KCNN3: variants seen among roughly 807,000 people sequenced by gnomAD.
KCNN3 encodes potassium calcium-activated channel subfamily N member 3.
In KCNN3, 16 loss-of-function variants were observed where a neutral mutation model predicts 62.9. The observed-to-expected ratio is 0.25, with a 90% confidence interval of 0.17 to 0.39. The LOEUF (loss-of-function observed/expected upper bound fraction) is 0.39. Ranked by LOEUF, KCNN3 falls within the 10% of genes least tolerant of loss-of-function variation. The probability of loss-of-function intolerance (pLI) is 1.00; values close to 1 mark genes in which losing one functional copy is unlikely to be tolerated. For synonymous variants in KCNN3, 370 were observed against 389.2 expected, an observed-to-expected ratio of 0.95 and a Z score of 0.58; for missense variants, 599 against 949.4, an observed-to-expected ratio of 0.63 and a Z score of 4.85.
intron 1 of KCNN3, among the ~76,000 whole-genome samples, chr1:154,852,369 ATTT>A (rs34939586): frequency 4.8e-4 from 65 of 136,540 alleles, no homozygotes; most frequent in Middle Eastern, 3.8e-3. Flanking sequence ...CACCCAGCTA[ATTT>A]TTTTTTTTTT....
At chr1:154,826,466 T>C (rs1571314753) in intron 1 of KCNN3, among the ~76,000 whole-genome samples, 1 of 152,234 alleles carries the variant, frequency 6.6e-6, no homozygotes, top group South Asian at 2.1e-4. Context: ...TCCAAGGGCA[T>C]GTTACCTAAC....
chr1:154,748,071 C>T (rs1482189341), intron 3 of KCNN3, among the ~76,000 whole-genome samples: 1 of 152,204 alleles, frequency 6.6e-6, no homozygotes, highest in African/African-American at 2.4e-5. Context: ...GTTTGTCGGT[C>T]GGCAGGTGCT....
chr1:154,733,196 AG>A (rs1700635269), intron 3 of KCNN3, 52 bp from the exon 4 acceptor site: 1 of 1,600,312 alleles, frequency 6.2e-7, no homozygotes, highest in Non-Finnish European at 8.6e-7. Context: ...CCTGGGAGTA[AG>A]GGCTGTGGGC....
intron 1 of KCNN3, among the ~76,000 whole-genome samples, chr1:154,838,071 C>T (rs989989959): frequency 1.3e-5 from 2 of 152,174 alleles, no homozygotes; most frequent in African/African-American, 4.8e-5. Context: ...CTGCTGACCA[C>T]GGTGGGACAG....
chr1:154,746,981 C>A (rs1313954516), intron 3 of KCNN3, among the ~76,000 whole-genome samples: 1 of 152,144 alleles, frequency 6.6e-6, no homozygotes, highest in African/African-American at 2.4e-5. Context: ...TCAACCGATC[C>A]CCAACTCTGC....
At chr1:154,757,075 G>C (rs1235539990) in intron 3 of KCNN3, among the ~76,000 whole-genome samples, 2 of 152,204 alleles carry the variant, frequency 1.3e-5, no homozygotes, top group East Asian at 1.9e-4. Flanking sequence ...GGAAACGGCA[G>C]AGGAGGGAGA....
chr1:154,868,916 C>G, intron 1 of KCNN3, 116 bp downstream of exon 1: 2 of 1,039,048 alleles, frequency 1.9e-6, no homozygotes, highest in South Asian at 1.3e-5. Context: ...CTCTCTCTCT[C>G]TCTCTCTCTC....
At position 154,707,179 on chromosome 1, in the gene KCNN3, T is replaced by C. The variant is rs1699979840; in HGVS notation, c.*797A>G. On this transcript the variant is annotated 3_prime_UTR_variant, in exon 8 of 8. Transcript: ENST00000271915. ...GTGAAACTCAGAATGTGGCCAGAACTAGCTAACTACCTGAACTGAAAGCAC... is the reference window on the plus strand; with the variant it reads ...GTGAAACTCAGAATGTGGCCAGAACCAGCTAACTACCTGAACTGAAAGCAC... The C allele has an allele frequency of 6.6e-6, 1 of 152,182 alleles. No individual in the cohort carries two copies. Among genetic ancestry groups the C allele is most frequent in the African/African-American group, 2.4e-5 (1 of 41,448 alleles). The allele number at this position is 152,182 out of a possible 1,614,324, so 9.4% of individuals were successfully genotyped here.
At chr1:154,736,861 G>A (rs1033213197) in intron 3 of KCNN3, among the ~76,000 whole-genome samples, 2 of 152,096 alleles carry the variant, frequency 1.3e-5, no homozygotes, top group East Asian at 1.9e-4. Context: ...ACTCCTGTGC[G>A]TGCTAACTGT....
At position 154,837,104 on chromosome 1, in the gene KCNN3, C is replaced by CTT. The variant is rs34935250; in HGVS notation, c.934-14922_934-14921dup. On this transcript the variant is annotated intron_variant, in intron 1 of 7. Coordinates refer to ENST00000271915, the MANE Select transcript of KCNN3 (RefSeq NM_002249.6). The stretch of plus-strand genomic sequence containing the variant: ...TTTGCTTAGAACCCATTGTTTAAGC[C>CTT]TTTTTTTTTTTTTGAGACAGAGTCT... Among the ~76,000 whole-genome samples, 718 of 144,606 alleles carry CTT rather than the reference C, an allele frequency of 5.0e-3. 6 individuals carry two copies. The highest frequency in any genetic ancestry group is 8.7e-3 in the Admixed American group (127 of 14,540). 94.9% of individuals were successfully genotyped at this position (144,606 alleles called of 152,430 possible).
chr1:154,829,580 C>A (rs75668707), intron 1 of KCNN3, among the ~76,000 whole-genome samples: 1,837 of 152,164 alleles, frequency 0.012, 39 homozygotes, highest in African/African-American at 0.042. Context: ...CAAGACCATC[C>A]ACACTCTCCT....
At chr1:154,776,695 T>G (rs1339089438) in intron 2 of KCNN3, among the ~76,000 whole-genome samples, 2 of 152,232 alleles carry the variant, frequency 1.3e-5, no homozygotes, top group African/African-American at 4.8e-5. Flanking sequence ...CATTCATTCC[T>G]AACAAAGCAC....
chr1:154,783,556 A>T (rs150707509), intron 2 of KCNN3, among the ~76,000 whole-genome samples: 1 of 152,288 alleles, frequency 6.6e-6, no homozygotes, highest in East Asian at 1.9e-4. Context: ...CCACTTATGC[A>T]CCCCAGCATG....
chr1:154,713,989 T>G (rs202020016), intron 6 of KCNN3, among the ~76,000 whole-genome samples: 28 of 240 alleles, frequency 0.12, no homozygotes, highest in Non-Finnish European at 0.2. Context: ...GTGTGCGGGG[T>G]GTGTGTGTGT....
rs532334622 is a variant in KCNN3 at position 154,805,488 on chromosome 1, A to G, written c.1029+16601T>C. 6.6e-5 allele frequency among the ~76,000 whole-genome samples: 10 copies of G among 152,332 alleles called. No individual in the cohort carries two copies. The South Asian group carries it at 1.7e-3, about 25-fold the overall frequency. The stretch of plus-strand genomic sequence containing the variant: ...TTTTCTCAATCCAAATGTGAGAAGC[A>G]CTGGTTCAGAGTTTATGCAGTATTA... On this transcript the variant is annotated intron_variant, in intron 2 of 7. Transcript: ENST00000271915.
At chr1:154,750,247 A>G (rs907732897) in intron 3 of KCNN3, among the ~76,000 whole-genome samples, 1 of 152,222 alleles carries the variant, frequency 6.6e-6, no homozygotes, top group African/African-American at 2.4e-5. Flanking sequence ...GGTGCACCCC[A>G]AGCTCTGGAG....
At chr1:154,796,558 A>G (rs761561191) in intron 2 of KCNN3, among the ~76,000 whole-genome samples, 1 of 152,250 alleles carries the variant, frequency 6.6e-6, no homozygotes, top group Admixed American at 6.5e-5. Context: ...GGACTGCCCA[A>G]GTTACAATTC....
At chr1:154,740,533 GAT>G (rs915162517) in intron 3 of KCNN3, among the ~76,000 whole-genome samples, 20 of 152,206 alleles carry the variant, frequency 1.3e-4, no homozygotes, top group African/African-American at 4.8e-4. Flanking sequence ...TGGTTTGTAG[GAT>G]ATGTACATAT....
chr1:154,766,359 A>C (rs1228728841), intron 3 of KCNN3, among the ~76,000 whole-genome samples: 1 of 143,642 alleles, frequency 7.0e-6, no homozygotes, highest in African/African-American at 2.6e-5. Flanking sequence ...ACATATATTT[A>C]TTATAAATTA....
Sources: gnomAD v4.1 joint callset for allele counts (sites outside exome capture counted in the v4.1 genomes callset) on GRCh38, gnomAD v4.1.1 for gene constraint, MANE v1.5 for transcripts, NCBI Gene and HGNC (gene_info 2026-07-23, HGNC 2026-07-21) for gene names.